TNK2: variants seen among roughly 807,000 people sequenced by gnomAD.
TNK2 encodes activated CDC42 kinase 1.
Under a neutral mutation model 101.8 loss-of-function variants are expected in TNK2, and 83 were observed. The ratio of observed to expected loss-of-function variants is 0.82; its 90% CI spans 0.68 to 0.98. The LOEUF (loss-of-function observed/expected upper bound fraction) is 0.98. Among genes scored for constraint, TNK2 ranks in the 50% least tolerant of loss-of-function variants. TNK2 has a pLI of 0.00. For synonymous variants in TNK2, 804 were observed against 633.0 expected (o/e 1.27, Z -4.06); for missense variants, 1,665 against 1,483.2 (o/e 1.12, Z -2.01).
chr3:195,871,205 G>C (rs556925659), intron 10 of TNK2, among the ~76,000 whole-genome samples: 80 of 152,158 alleles, frequency 5.3e-4, no homozygotes, highest in African/African-American at 1.8e-3. Flanking sequence ...TCGGGGGGTG[G>C]GGGGTGGCAT....
intron 12 of TNK2, 123 bp from the exon 13 acceptor site, chr3:195,868,832 C>T (rs773411100): frequency 1.4e-5 from 17 of 1,240,896 alleles, no homozygotes; most frequent in South Asian, 4.8e-5. Flanking sequence ...CAACTCCCCC[C>T]GAGGTCTGAG....
intron 12 of TNK2, 119 bp from the exon 13 acceptor site, chr3:195,868,828 C>A: frequency 7.9e-7 from 1 of 1,258,244 alleles, no homozygotes; most frequent in East Asian, 2.8e-5. Context: ...CTCCCAACTC[C>A]CCCCGAGGTC....
intron 2 of TNK2, among the ~76,000 whole-genome samples, chr3:195,887,925 C>A (rs915773628): frequency 2.1e-5 from 3 of 143,494 alleles, no homozygotes; most frequent in Non-Finnish European, 3.0e-5. Flanking sequence ...TGCGTGCGTG[C>A]ACGTGTGTGC....
Position 195,894,927 on chromosome 3 carries a change from C to A in TNK2, c.-18-6321G>T, listed in dbSNP as rs371437094. On this transcript the variant is annotated intron_variant, in intron 1 of 15. Coordinates refer to ENST00000672887, the MANE Select transcript of TNK2 (RefSeq NM_001382273.1). Reference sequence around the variant, plus strand: ...CAGAAGCCTAGTAAACGGGAATGCCCAGGACATACAGACTCAGTTCTCCTA... The same window carrying A: ...CAGAAGCCTAGTAAACGGGAATGCCAAGGACATACAGACTCAGTTCTCCTA... 1.1e-4 allele frequency among the ~76,000 whole-genome samples: 16 copies of A among 152,338 alleles called. 1 individual carries two copies. In the East Asian group the frequency reaches 1.5e-3, roughly 15 times the overall value.
In TNK2 at chr3:195,867,542, G is replaced by C. The variant is rs944837819; in HGVS notation, c.2756C>G (p.Ala919Gly). ...LPPPSTPAPA[A>G]PTATVRPMPQ... Reference sequence around the variant, plus strand: ...CATCGGCCGCACGGTGGCCGTGGGGGCGGCGGGGGCTGGGGTGCTGGGTGG... The same window carrying C: ...CATCGGCCGCACGGTGGCCGTGGGGCCGGCGGGGGCTGGGGTGCTGGGTGG... Residue 919 changes from alanine (A) to glycine (G), a missense_variant, in exon 13 of 16, where the codon GCC becomes GGC. Coordinates refer to ENST00000672887, the MANE Select transcript of TNK2 (RefSeq NM_001382273.1). 6.5e-7 allele frequency: 1 copy of C among 1,533,764 alleles called. No homozygotes were observed. Among genetic ancestry groups the C allele is most frequent in the Non-Finnish European group, 8.7e-7 (1 of 1,147,830 alleles).
rs921349538 is a variant in TNK2 at position 195,864,116 on chromosome 3, C to T, written c.*65G>A. 8 of 1,610,182 alleles carry T rather than the reference C, an allele frequency of 5.0e-6. No homozygotes were observed. Among genetic ancestry groups the T allele is most frequent in the Non-Finnish European group, 6.8e-6 (8 of 1,177,162 alleles). On this transcript the variant is annotated 3_prime_UTR_variant, in exon 16 of 16. Transcript: ENST00000672887. ...AGGACTGGATGGGGGCATCTCCCCA[C>T]TCCTGGTGGACGGACAGGCTCAGGT...
At chr3:195,907,904 C>A (rs1300538040) in intron 1 of TNK2, among the ~76,000 whole-genome samples, 1 of 152,198 alleles carries the variant, frequency 6.6e-6, no homozygotes, top group Non-Finnish European at 1.5e-5. Flanking sequence ...TCCCTCCTTC[C>A]GCCCACTAAT....
chr3:195,866,840 G>T, intron 15 of TNK2, 49 bp downstream of exon 15: 2 of 1,588,376 alleles, frequency 1.3e-6, no homozygotes, highest in South Asian at 1.1e-5. Flanking sequence ...CAGGCTCTGG[G>T]ACAGCCCTCC....
chr3:195,887,887 C>T (rs574977507), intron 2 of TNK2, among the ~76,000 whole-genome samples: 21 of 144,946 alleles, frequency 1.4e-4, no homozygotes, highest in Admixed American at 4.1e-4. Context: ...CGCGTGCGTA[C>T]GCACGTGCAT....
chr3:195,870,438 G>A (rs1437999006), intron 10 of TNK2: 8 of 1,367,370 alleles, frequency 5.9e-6, no homozygotes, highest in Non-Finnish European at 7.7e-6. Context: ...GGACCTCAGG[G>A]ACTCCAACTA....
Position 195,906,019 on chromosome 3 carries a change from GAACAGACACAGCACC to G in TNK2, c.-19+2451_-19+2465del, listed in dbSNP as rs1761676228. 2.0e-5 allele frequency among the ~76,000 whole-genome samples: 3 copies of G among 152,174 alleles called. 1 individual carries two copies. The highest frequency in any genetic ancestry group is 4.4e-5 in the Non-Finnish European group (3 of 68,028). On this transcript the variant is annotated intron_variant, in intron 1 of 15. Coordinates refer to ENST00000672887, the MANE Select transcript of TNK2 (RefSeq NM_001382273.1). The stretch of plus-strand genomic sequence containing the variant: ...ACAATTAAAAATGGGCAAACGATCT[GAACAGACACAGCACC>G]AAAGACATACGTATGGCAAATGAGC...
At chr3:195,869,936 C>T (rs1560482982) in intron 11 of TNK2, 178 bp downstream of exon 11, 2 of 584,922 alleles carry the variant, frequency 3.4e-6, no homozygotes, top group Admixed American at 3.3e-5. Context: ...TCGGCGGATA[C>T]AGCTGCCTGT....
chr3:195,872,863 T>G, intron 9 of TNK2: 28 of 191,044 alleles, frequency 1.5e-4, no homozygotes, highest in East Asian at 3.2e-4. Flanking sequence ...CACCCCTCAG[T>G]TCCCTGGCAA....
In TNK2 at chr3:195,866,081, C is replaced by CAT. The variant is rs1369700891; in HGVS notation, c.3161+806_3161+807dup. 1.1e-4 allele frequency among the ~76,000 whole-genome samples: 16 copies of CAT among 152,068 alleles called. No individual in the cohort carries two copies. The East Asian group carries it at 2.7e-3, about 26-fold the overall frequency. On this transcript the variant is annotated intron_variant, in intron 15 of 15. Transcript: ENST00000672887. ...CTTCTTTTTGACTTGACAGCGCTCT[C>CAT]ATATATATATTTACATAATATATAA...
intron 9 of TNK2, chr3:195,876,398 C>A (rs1294631037): frequency 2.6e-5 from 12 of 456,624 alleles, no homozygotes; most frequent in African/African-American, 1.6e-4. Context: ...TAGGAGGGAA[C>A]TCCAAACACA....
chr3:195,878,122 G>C lies in TNK2; in HGVS notation c.1256+131C>G. 2.2e-6 allele frequency: 2 copies of C among 898,046 alleles called. No homozygotes were observed. Among genetic ancestry groups the C allele is most frequent in the Non-Finnish European group, 3.6e-6 (2 of 560,756 alleles). 55.6% of individuals were successfully genotyped at this position (898,046 alleles called of 1,614,324 possible). On this transcript the variant is annotated intron_variant, in intron 9 of 15. Coordinates refer to ENST00000672887, the MANE Select transcript of TNK2 (RefSeq NM_001382273.1). The surrounding 1 kb of genome is among the most constrained non-coding windows in gnomAD (Gnocchi z 4.7). ...AGGCCTGTCCTCCCCTCACACTGCA[G>C]GGTTCAGGCCCAACCGCCAGCCTGT...
chr3:195,871,765 C>A (rs1471772127), intron 10 of TNK2, among the ~76,000 whole-genome samples: 2 of 152,222 alleles, frequency 1.3e-5, no homozygotes. Flanking sequence ...ATCTGAGCAG[C>A]AAGTGCTAAT....
Position 195,868,617 on chromosome 3 carries a change from GCC to G in TNK2, c.1679_1680del (p.Gly560AlafsTer22). ...CGCGCCGAGGGCTTCGCCAGCCACA[GCC>G]CTCGGGGCAGGCCTGGCTTCCGCAG... ...LGLRKPGLPR[G>X]LWLAKPSARV... On this transcript the variant is annotated frameshift_variant, in exon 13 of 16. Transcript: ENST00000672887. LOFTEE classifies it high-confidence loss of function. 1 of 1,589,202 alleles carries G rather than the reference GCC, an allele frequency of 6.3e-7. No homozygotes were observed. Among genetic ancestry groups the G allele is most frequent in the Non-Finnish European group, 8.5e-7 (1 of 1,176,010 alleles).
chr3:195,888,352 T>C lies in TNK2; in HGVS notation c.163+74A>G. 1 of 1,509,116 alleles carries C rather than the reference T, an allele frequency of 6.6e-7. No individual in the cohort carries two copies. Among genetic ancestry groups the C allele is most frequent in the Non-Finnish European group, 9.1e-7 (1 of 1,101,494 alleles). 93.5% of individuals were successfully genotyped at this position (1,509,116 alleles called of 1,614,324 possible). A position where few individuals can be genotyped will look rare whatever the true frequency, so the allele number is the denominator to read the frequency against. On this transcript the variant is annotated intron_variant, in intron 2 of 15. Coordinates refer to ENST00000672887, the MANE Select transcript of TNK2 (RefSeq NM_001382273.1). This position sits in a 1 kb window ranked among gnomAD's most constrained non-coding sequence, Gnocchi z 5.3. ...GGACAGAGTTCTCAGCTGCCACCCGTGCACCGAGTGGTCCTGAGGACAGAG... is the reference window on the plus strand; with the variant it reads ...GGACAGAGTTCTCAGCTGCCACCCGCGCACCGAGTGGTCCTGAGGACAGAG...
Sources: gnomAD v4.1 joint callset for allele counts (sites outside exome capture counted in the v4.1 genomes callset) on GRCh38, gnomAD v4.1.1 for gene constraint, Gnocchi (gnomAD v3.1) non-coding constraint, MANE v1.5 for transcripts, NCBI Gene and HGNC (gene_info 2026-07-23, HGNC 2026-07-21) for gene names.